Variants in DAAM1 observed in about 807,000 individuals in gnomAD.
DAAM1 encodes the protein disheveled-associated activator of morphogenesis 1.
DAAM1 carries 52 observed loss-of-function variants against 130.0 expected under a neutral mutation model. That is an observed-to-expected ratio of 0.40 (90% confidence interval 0.32 to 0.50). The LOEUF is 0.50. Among genes scored for constraint, DAAM1 ranks in the 20% least tolerant of loss-of-function variants. The pLI, the probability that DAAM1 is intolerant of heterozygous loss-of-function variation, is 0.61. For missense variants in DAAM1, 1,134 were observed against 1,303.8 expected, an observed-to-expected ratio of 0.87 and a Z score of 2.01; for synonymous variants, 452 against 444.5, an observed-to-expected ratio of 1.02 and a Z score of -0.21.
intron 1 of DAAM1, among the ~76,000 whole-genome samples, chr14:59,255,339 C>A (rs1881829046): frequency 6.6e-6 from 1 of 152,084 alleles, no homozygotes; most frequent in Non-Finnish European, 1.5e-5. Context: ...GGGGAACACA[C>A]AATTCCCTTT....
intron 3 of DAAM1, among the ~76,000 whole-genome samples, chr14:59,292,276 A>G (rs1160369687): frequency 6.6e-6 from 1 of 152,174 alleles, no homozygotes; most frequent in African/African-American, 2.4e-5. Context: ...GGAACAAACT[A>G]TACAATAATC....
At position 59,251,435 on chromosome 14, in the gene DAAM1, GTTTTTT is replaced by G. The variant is rs35807716; in HGVS notation, c.-37-11996_-37-11991del. 3.6e-5 allele frequency among the ~76,000 whole-genome samples: 5 copies of G among 137,950 alleles called. No individual in the cohort carries two copies. In the East Asian group the frequency reaches 1.0e-3, roughly 29 times the overall value. 90.5% of individuals were successfully genotyped at this position (137,950 alleles called of 152,430 possible). A position where few individuals can be genotyped will look rare whatever the true frequency, so the allele number is the denominator to read the frequency against. ...CCTCAGTCATCTTTCACTCCGCCGTGTTTTTTTTTTTTTTTCCTTTAAGTTTGTTGT... is the reference window on the plus strand; with the variant it reads ...CCTCAGTCATCTTTCACTCCGCCGTGTTTTTTTTTCCTTTAAGTTTGTTGT... On this transcript the variant is annotated intron_variant, in intron 1 of 24. Transcript: ENST00000360909.
chr14:59,252,968 A>G (rs371662413), intron 1 of DAAM1, among the ~76,000 whole-genome samples: 3 of 151,954 alleles, frequency 2.0e-5, no homozygotes, highest in Non-Finnish European at 4.4e-5. Flanking sequence ...CTTTTTTTGC[A>G]TGGGCTGCTT....
intron 3 of DAAM1, among the ~76,000 whole-genome samples, chr14:59,299,199 T>G (rs907971274): frequency 6.6e-6 from 1 of 152,206 alleles, no homozygotes; most frequent in Non-Finnish European, 1.5e-5. Flanking sequence ...TATAGTATGA[T>G]GTATGTGTAA....
chr14:59,324,669 A>G (rs1885141604), intron 8 of DAAM1, among the ~76,000 whole-genome samples: 1 of 152,200 alleles, frequency 6.6e-6, no homozygotes, highest in African/African-American at 2.4e-5. Flanking sequence ...GGGTTTTAGC[A>G]TTAGACCTGA....
chr14:59,252,015 G>C (rs2139483286), intron 1 of DAAM1, among the ~76,000 whole-genome samples: 1 of 152,284 alleles, frequency 6.6e-6, no homozygotes, highest in South Asian at 2.1e-4. Flanking sequence ...ATTGTGGAGA[G>C]ACTCAAGCTC....
At chr14:59,344,304 A>G (rs967557988) in intron 16 of DAAM1, among the ~76,000 whole-genome samples, 2 of 152,188 alleles carry the variant, frequency 1.3e-5, no homozygotes, top group Non-Finnish European at 2.9e-5. Context: ...GGATGTTCCA[A>G]TTCTCTTGGC....
intron 1 of DAAM1, among the ~76,000 whole-genome samples, chr14:59,206,451 A>G (rs529942058): frequency 6.6e-6 from 1 of 151,756 alleles, no homozygotes; most frequent in African/African-American, 2.4e-5. Context: ...AATTTTTTGT[A>G]TTTTTAATAG....
chr14:59,191,524 A>G (rs1354623091), intron 1 of DAAM1, among the ~76,000 whole-genome samples: 1 of 152,118 alleles, frequency 6.6e-6, no homozygotes, highest in Non-Finnish European at 1.5e-5. Flanking sequence ...CCGTGGTAAT[A>G]TTCCCCTTAG....
At chr14:59,305,805 T>G (rs937035928) in intron 3 of DAAM1, among the ~76,000 whole-genome samples, 1 of 152,250 alleles carries the variant, frequency 6.6e-6, no homozygotes, top group Non-Finnish European at 1.5e-5. Context: ...TTCTTGCTTT[T>G]CTGGGTGTGT....
chr14:59,359,087 A>G (rs1322302144), intron 20 of DAAM1, among the ~76,000 whole-genome samples: 2 of 152,126 alleles, frequency 1.3e-5, no homozygotes, highest in East Asian at 1.9e-4. Context: ...CACCCATCAC[A>G]TTACCCAGAT....
chr14:59,222,443 C>T (rs924496318), intron 1 of DAAM1, among the ~76,000 whole-genome samples: 2 of 152,098 alleles, frequency 1.3e-5, no homozygotes, highest in Non-Finnish European at 2.9e-5. Context: ...GGCTGATGAC[C>T]CTGGGGAATG....
At chr14:59,273,231 A>G (rs1023010730) in intron 2 of DAAM1, among the ~76,000 whole-genome samples, 4 of 152,236 alleles carry the variant, frequency 2.6e-5, no homozygotes, top group African/African-American at 4.8e-5. Flanking sequence ...TTCTGAATGT[A>G]TATTGTATCT....
intron 1 of DAAM1, among the ~76,000 whole-genome samples, chr14:59,198,793 G>A (rs1300574469): frequency 1.3e-5 from 2 of 152,146 alleles, no homozygotes; most frequent in African/African-American, 4.8e-5. Flanking sequence ...GTCTTTTGGT[G>A]CTTTGCAATT....
At chr14:59,262,965 T>C (rs1882243993) in intron 1 of DAAM1, among the ~76,000 whole-genome samples, 2 of 152,200 alleles carry the variant, frequency 1.3e-5, no homozygotes, top group Admixed American at 6.5e-5. Flanking sequence ...GTGATCATGC[T>C]AAAGTGGATA....
At chr14:59,285,520 C>G (rs1023197025) in intron 2 of DAAM1, among the ~76,000 whole-genome samples, 1 of 152,166 alleles carries the variant, frequency 6.6e-6, no homozygotes, top group African/African-American at 2.4e-5. Context: ...GACCCACTGT[C>G]TGCTGCCTTC....
chr14:59,216,368 T>C (rs78445564), intron 1 of DAAM1, among the ~76,000 whole-genome samples: 4,294 of 152,324 alleles, frequency 0.028, 87 homozygotes, highest in Middle Eastern at 0.044. Flanking sequence ...TTTATTATAC[T>C]CATGCACATT....
Position 59,355,257 on chromosome 14 carries a change from G to A in DAAM1, c.2449G>A (p.Gly817Ser). Residue 817 changes from glycine to serine, a missense_variant, in exon 20 of 25, where the codon GGT (glycine) becomes AGT (serine). Transcript: ENST00000360909. ...GGCATTTGGAAATTATATGAATAAA[G>A]GTCAAAGAGGGAATGCATATGGATT... ...VLAFGNYMNK[G>S]QRGNAYGFKI... 6.2e-7 allele frequency: 1 copy of A among 1,614,042 alleles called. No individual in the cohort carries two copies. The highest frequency in any genetic ancestry group is 8.5e-7 in the Non-Finnish European group (1 of 1,179,994).
intron 22 of DAAM1, among the ~76,000 whole-genome samples, chr14:59,361,405 CAG>C (rs1273476038): frequency 1.3e-5 from 2 of 152,166 alleles, no homozygotes; most frequent in African/African-American, 4.8e-5. Context: ...TCCAGATAAG[CAG>C]AGTGATTACG....
Sources: gnomAD v4.1 joint callset for allele counts (sites outside exome capture counted in the v4.1 genomes callset) on GRCh38, gnomAD v4.1.1 for gene constraint, MANE v1.5 for transcripts, NCBI Gene and HGNC (gene_info 2026-07-23, HGNC 2026-07-21) for gene names.